The following COL5A1 variants were observed in gnomAD, a reference collection of about 807,000 sequenced individuals.
COL5A1 encodes the protein collagen alpha-1(V) chain.
In COL5A1, 16 loss-of-function variants were observed where a neutral mutation model predicts 263.7. The ratio of observed to expected loss-of-function variants is 0.06; its 90% CI spans 0.04 to 0.09. The LOEUF (loss-of-function observed/expected upper bound fraction) is 0.09, where lower values mean the gene tolerates loss of function less well. Ranked by LOEUF, COL5A1 falls within the 10% of genes least tolerant of loss-of-function variation. The pLI, the probability that COL5A1 is intolerant of heterozygous loss-of-function variation, is 1.00. For synonymous variants in COL5A1, 1,012 were observed against 1,004.5 expected (o/e 1.01, Z -0.14); for missense variants, 2,036 against 2,540.5 (o/e 0.80, Z 4.27).
chr9:134,753,766 G>GCCCC, intron 14 of COL5A1, 84 bp from the exon 15 acceptor site: 1 of 615,312 alleles, frequency 1.6e-6, no homozygotes, highest in Non-Finnish European at 3.0e-6. Flanking sequence ...CCCTCCCCCT[G>GCCCC]CCCCTCCCCT....
At chr9:134,658,963 G>C (rs1832118466) in intron 1 of COL5A1, among the ~76,000 whole-genome samples, 2 of 152,220 alleles carry the variant, frequency 1.3e-5, no homozygotes, top group South Asian at 4.1e-4. Flanking sequence ...GTCTTCTTCT[G>C]ACCTGACCCC....
intron 37 of COL5A1, among the ~76,000 whole-genome samples, chr9:134,799,768 A>G (rs58421780): frequency 0.042 from 6,423 of 152,142 alleles, 478 homozygotes; most frequent in African/African-American, 0.14. Flanking sequence ...ATAGAGAAAA[A>G]TTAAAACATT....
At chr9:134,820,334 G>T in intron 58 of COL5A1, 111 bp downstream of exon 58, 1 of 816,586 alleles carries the variant, frequency 1.2e-6, no homozygotes, top group Non-Finnish European at 2.1e-6. Context: ...ACGTCCACAC[G>T]TCGGTTGAGT....
chr9:134,827,072 G>A (rs1442377812), intron 63 of COL5A1, among the ~76,000 whole-genome samples: 2 of 152,172 alleles, frequency 1.3e-5, no homozygotes, highest in Non-Finnish European at 2.9e-5. Context: ...CGCAGTTGTC[G>A]CGTGGCCCCA....
In COL5A1 at chr9:134,698,773, G is replaced by A. The variant is rs376478277; in HGVS notation, c.278-1136G>A. Among the ~76,000 whole-genome samples, 699 of 152,368 alleles carry A rather than the reference G, an allele frequency of 4.6e-3. 3 individuals are homozygous for A. Among genetic ancestry groups the A allele is most frequent in the South Asian group, 0.011 (54 of 4,830 alleles). On this transcript the variant is annotated intron_variant, in intron 2 of 65. Coordinates refer to ENST00000371817, the MANE Select transcript of COL5A1 (RefSeq NM_000093.5). Reference sequence around the variant, plus strand: ...GACTCTGCTGCCCCATGGGGTCAGGGGCCTCTGGGCCACCTGGTTAGCCTT... The same window carrying A: ...GACTCTGCTGCCCCATGGGGTCAGGAGCCTCTGGGCCACCTGGTTAGCCTT...
intron 1 of COL5A1, among the ~76,000 whole-genome samples, chr9:134,648,152 AC>A (rs1445432490): frequency 6.6e-6 from 1 of 151,928 alleles, no homozygotes; most frequent in Non-Finnish European, 1.5e-5. Flanking sequence ...CCTGTGCTGG[AC>A]GCTTCCTGCC....
intron 25 of COL5A1, among the ~76,000 whole-genome samples, chr9:134,771,922 C>T (rs1214865241): frequency 6.6e-6 from 1 of 152,198 alleles, no homozygotes; most frequent in Non-Finnish European, 1.5e-5. Flanking sequence ...GGAAGTTTGG[C>T]TCACCGATCC....
chr9:134,649,027 C>T (rs373157389), intron 1 of COL5A1, among the ~76,000 whole-genome samples: 11 of 139,488 alleles, frequency 7.9e-5, no homozygotes, highest in Non-Finnish European at 1.2e-4. Flanking sequence ...GATGTGATGG[C>T]GGTGAGTGGT....
At chr9:134,759,310 CCA>C (rs553547444) in intron 18 of COL5A1, among the ~76,000 whole-genome samples, 44 of 142,306 alleles carry the variant, frequency 3.1e-4, no homozygotes, top group African/African-American at 9.4e-4. Context: ...CCACACACCC[CCA>C]CACTCATACA....
chr9:134,780,162 C>A lies in COL5A1; in HGVS notation c.2430+16C>A, dbSNP rs530385215. ...GGGCGAGAAGGTAAGTCTCTCCTTG[C>A]AGCCACGGGGCCCCCTGCTTAGTCC... On this transcript the variant is annotated intron_variant, in intron 28 of 65. Transcript: ENST00000371817. 6.2e-7 allele frequency: 1 copy of A among 1,613,056 alleles called. No homozygotes were observed. The highest frequency in any genetic ancestry group is 1.3e-5 in the African/African-American group (1 of 75,050).
At position 134,796,426 on chromosome 9, in the gene COL5A1, G is replaced by T. The variant is rs747387816; in HGVS notation, c.2844+8G>T. On this transcript the variant is annotated splice_region_variant and intron_variant, in intron 35 of 65. Coordinates refer to ENST00000371817, the MANE Select transcript of COL5A1 (RefSeq NM_000093.5). ...GGCCCTCCTGGTGAACGGGTAAGCA[G>T]CTGGAGCCTTCGGGGGTGTCTCCAA... The T allele has an allele frequency of 6.2e-7, 1 of 1,614,088 alleles. No individual in the cohort carries two copies. The highest frequency in any genetic ancestry group is 8.5e-7 in the Non-Finnish European group (1 of 1,179,994).
intron 28 of COL5A1, 92 bp downstream of exon 28, chr9:134,780,238 A>G (rs906028981): frequency 5.5e-6 from 7 of 1,263,664 alleles, no homozygotes; most frequent in Admixed American, 1.7e-5. Context: ...CTTCCATGAA[A>G]CCAGCTGAGG....
rs1832708948 is a variant in COL5A1 at position 134,677,275 on chromosome 9, G to A, written c.110-13637G>A. 6.6e-6 allele frequency among the ~76,000 whole-genome samples: 1 copy of A among 152,146 alleles called. No individual in the cohort carries two copies. On this transcript the variant is annotated intron_variant, in intron 1 of 65. Coordinates refer to ENST00000371817, the MANE Select transcript of COL5A1 (RefSeq NM_000093.5). The surrounding 1 kb of genome is among the most constrained non-coding windows in gnomAD (Gnocchi z 4.4). ...ATCCAGATCTCAGCTACCAGTCATGGCTTCTCGGGGAAGGCAGGCCCTGGT... is the reference window on the plus strand; with the variant it reads ...ATCCAGATCTCAGCTACCAGTCATGACTTCTCGGGGAAGGCAGGCCCTGGT...
At chr9:134,668,519 C>T (rs1172701894) in intron 1 of COL5A1, among the ~76,000 whole-genome samples, 3 of 152,092 alleles carry the variant, frequency 2.0e-5, no homozygotes, top group African/African-American at 7.2e-5. Flanking sequence ...TTTAAATCAG[C>T]AAAGGTGTAT....
At position 134,803,073 on chromosome 9, in the gene COL5A1, T is replaced by C. The variant is rs1444726832; in HGVS notation, c.3114+78T>C. ...TTGGGACTTTGTGTTTTTCTTGCCC[T>C]TTTCTGATGAATGGGTAATTCGTCA... On this transcript the variant is annotated intron_variant, in intron 39 of 65. Transcript: ENST00000371817. 1.4e-5 allele frequency: 16 copies of C among 1,166,390 alleles called. No individual in the cohort carries two copies. In the East Asian group the frequency reaches 4.1e-4, roughly 30 times the overall value. The allele number at this position is 1,166,390 out of a possible 1,614,324, so 72.3% of individuals were successfully genotyped here.
At chr9:134,766,353 TG>T in intron 21 of COL5A1, 100 bp from the exon 22 acceptor site, 1 of 1,156,562 alleles carries the variant, frequency 8.6e-7, no homozygotes. Context: ...TGATTCGTCG[TG>T]GGATGGGCGT....
intron 48 of COL5A1, 34 bp downstream of exon 48, chr9:134,812,746 C>T (rs750189843): frequency 4.3e-5 from 62 of 1,439,224 alleles, no homozygotes; most frequent in African/African-American, 1.6e-4. Context: ...GGCAGATTTG[C>T]GGTTGTTTGA....
chr9:134,826,531 AGTGTGTGGATGG>A (rs769176051), intron 63 of COL5A1, among the ~76,000 whole-genome samples: 6 of 149,470 alleles, frequency 4.0e-5, no homozygotes, highest in Non-Finnish European at 5.9e-5. Flanking sequence ...CATGTGGATG[AGTGTGTGGATGG>A]GTGTGTGAAT....
At chr9:134,786,202 G>C (rs139534733) in intron 31 of COL5A1, among the ~76,000 whole-genome samples, 154 bp downstream of exon 31, 1 of 151,836 alleles carries the variant, frequency 6.6e-6, no homozygotes, top group Admixed American at 6.6e-5. Flanking sequence ...TGGTGCAGGC[G>C]TGGGGGTTGT....
Sources: allele counts gnomAD v4.1 joint callset (sites outside exome capture counted in the v4.1 genomes callset), GRCh38; gene constraint gnomAD v4.1.1; non-coding constraint Gnocchi (gnomAD v3.1); transcripts MANE v1.5; gene names NCBI Gene and HGNC (gene_info 2026-07-23, HGNC 2026-07-21).